LRRCC1: variants seen among roughly 807,000 people sequenced by gnomAD.
The protein encoded by LRRCC1 is leucine rich repeat and coiled-coil centrosomal protein 1.
In LRRCC1, 115 loss-of-function variants were observed where a neutral mutation model predicts 126.0. The ratio of observed to expected loss-of-function variants is 0.91; its 90% CI spans 0.78 to 1.07. LRRCC1 has a LOEUF of 1.07. Among genes scored for constraint, LRRCC1 ranks in the 50% least tolerant of loss-of-function variants. The pLI is 0.00. For missense variants in LRRCC1, 1,172 were observed against 1,175.7 expected, an observed-to-expected ratio of 1.00 and a Z score of 0.05; for synonymous variants, 400 against 393.4, an observed-to-expected ratio of 1.02 and a Z score of -0.20.
At chr8:85,136,715 A>G (rs1329800639) in intron 14 of LRRCC1, among the ~76,000 whole-genome samples, 2 of 152,226 alleles carry the variant, frequency 1.3e-5, no homozygotes, top group African/African-American at 4.8e-5. Flanking sequence ...GTAAATCCTC[A>G]GTTTCATTCC....
At chr8:85,127,986 A>G (rs1810142554) in intron 9 of LRRCC1, among the ~76,000 whole-genome samples, 1 of 152,238 alleles carries the variant, frequency 6.6e-6, no homozygotes, top group South Asian at 2.1e-4. Flanking sequence ...AACATTATGT[A>G]GTGACAGATT....
At chr8:85,121,568 A>C (rs1244009888) in intron 6 of LRRCC1, among the ~76,000 whole-genome samples, 1 of 152,078 alleles carries the variant, frequency 6.6e-6, no homozygotes, top group Admixed American at 6.6e-5. Flanking sequence ...CAGCATCCTG[A>C]GTAGCAGGGA....
intron 6 of LRRCC1, among the ~76,000 whole-genome samples, chr8:85,123,050 T>C (rs888131573): frequency 2.6e-5 from 4 of 152,218 alleles, no homozygotes; most frequent in African/African-American, 9.6e-5. Flanking sequence ...TGATGCTGAT[T>C]GTGATACATT....
At chr8:85,119,811 A>G (rs749945802) in intron 6 of LRRCC1, among the ~76,000 whole-genome samples, 1 of 152,098 alleles carries the variant, frequency 6.6e-6, no homozygotes, top group Non-Finnish European at 1.5e-5. Context: ...ACGTCTTAAT[A>G]TAAGTACTTA....
intron 10 of LRRCC1, among the ~76,000 whole-genome samples, 199 bp downstream of exon 10, chr8:85,129,578 A>G (rs1342067309): frequency 6.6e-6 from 1 of 152,250 alleles, no homozygotes; most frequent in Non-Finnish European, 1.5e-5. Flanking sequence ...CAAAGCAATT[A>G]AAAAGAAAAG....
In LRRCC1 at chr8:85,107,320, G is replaced by C; in HGVS notation, c.25G>C (p.Ala9Pro). 1 of 1,612,912 alleles carries C rather than the reference G, an allele frequency of 6.2e-7. No individual in the cohort carries two copies. The highest frequency in any genetic ancestry group is 8.5e-7 in the Non-Finnish European group (1 of 1,179,620). MEAAAAVVAAEAEVENEDG... is the reference protein window; with the variant it reads MEAAAAVVPAEAEVENEDG... ...TATGGAGGCGGCGGCGGCGGTGGTG[G>C]CGGCAGAGGCGGAAGTGGAAAACGA... Residue 9 changes from alanine to proline, a missense_variant, in exon 1 of 19, where the codon GCG becomes CCG. Coordinates refer to ENST00000360375, the MANE Select transcript of LRRCC1 (RefSeq NM_033402.5).
At position 85,123,586 on chromosome 8, in the gene LRRCC1, A is replaced by G; in HGVS notation, c.1104A>G (p.Lys368=). 1.3e-6 allele frequency: 2 copies of G among 1,578,824 alleles called. No individual in the cohort carries two copies. Among genetic ancestry groups the G allele is most frequent in the Non-Finnish European group, 1.7e-6 (2 of 1,169,922 alleles). Residue 368 remains lysine, a synonymous_variant, in exon 7 of 19, where the codon AAA becomes AAG. Transcript: ENST00000360375. ...KTIQTIKHHN[K]NYNSFVSCNR... is the part of the protein sequence containing the mutation. ...TTCAAACTATTAAGCACCACAATAA[A>G]AACTACAACTCTTTTGTAAGGTACT...
intron 6 of LRRCC1, among the ~76,000 whole-genome samples, chr8:85,120,918 AT>A (rs1190085334): frequency 1.3e-5 from 2 of 152,156 alleles, no homozygotes; most frequent in Non-Finnish European, 2.9e-5. Flanking sequence ...ATATTTATGT[AT>A]AAGTTTTTGT....
intron 6 of LRRCC1, among the ~76,000 whole-genome samples, chr8:85,119,306 T>C (rs1240683729): frequency 2.0e-5 from 3 of 152,130 alleles, no homozygotes; most frequent in African/African-American, 4.8e-5. Context: ...ATTACTGATA[T>C]TGGCAATCTG....
intron 8 of LRRCC1, among the ~76,000 whole-genome samples, chr8:85,125,935 T>A (rs1461525577): frequency 6.6e-6 from 1 of 152,146 alleles, no homozygotes; most frequent in East Asian, 1.9e-4. Context: ...ACACACTTCA[T>A]CTTTCTTCTT....
At chr8:85,124,708 A>G (rs1038114688) in intron 7 of LRRCC1, 84 bp from the exon 8 acceptor site, 7 of 796,880 alleles carry the variant, frequency 8.8e-6, no homozygotes, top group African/African-American at 5.4e-5. Context: ...AGCTGTTTGC[A>G]TATACAACTA....
At chr8:85,111,066 G>A (rs1007751697) in intron 3 of LRRCC1, among the ~76,000 whole-genome samples, 3 of 152,130 alleles carry the variant, frequency 2.0e-5, no homozygotes, top group African/African-American at 7.2e-5. Flanking sequence ...TCCTCTTAAA[G>A]ACATGAAGTA....
At position 85,124,843 on chromosome 8, in the gene LRRCC1, A is replaced by T; in HGVS notation, c.1176A>T (p.Ser392=). 6.3e-7 allele frequency: 1 copy of T among 1,598,088 alleles called. No homozygotes were observed. The highest frequency in any genetic ancestry group is 8.6e-7 in the Non-Finnish European group (1 of 1,168,980). ...PPYLKELYVS[S]SLANCPMLQE... ...ACCTTAAAGAATTATATGTAAGCTC[A>T]TCTTTAGCAAACTGTCCTATGTTAC... is the stretch of plus-strand genomic sequence containing the variant. The change falls in exon 8 of 19, where the codon TCA becomes TCT. Residue 392 remains serine, a synonymous_variant. Transcript: ENST00000360375.
At chr8:85,109,431 A>G (rs1302146733) in intron 1 of LRRCC1, 164 bp from the exon 2 acceptor site, 4 of 579,160 alleles carry the variant, frequency 6.9e-6, no homozygotes, top group Non-Finnish European at 1.2e-5. Flanking sequence ...GTGTTGTAAG[A>G]AGCACCGTGT....
chr8:85,126,030 C>T (rs1456625398), intron 8 of LRRCC1, among the ~76,000 whole-genome samples: 1 of 152,098 alleles, frequency 6.6e-6, no homozygotes, highest in East Asian at 1.9e-4. Context: ...AACCCCCGCC[C>T]CAAGTTTGTT....
At chr8:85,130,514 G>T (rs1052898613) in intron 11 of LRRCC1, among the ~76,000 whole-genome samples, 1 of 152,046 alleles carries the variant, frequency 6.6e-6, no homozygotes, top group Admixed American at 6.6e-5. Context: ...GGAAAATGCC[G>T]TGTTCATGTA....
chr8:85,129,409 A>G (rs1393903291), intron 10 of LRRCC1, 30 bp downstream of exon 10: 3 of 1,513,174 alleles, frequency 2.0e-6, no homozygotes, highest in Non-Finnish European at 2.7e-6. Context: ...TATGAGTAGC[A>G]CAGATTAACA....
chr8:85,135,705 A>AT (rs1285758202), intron 13 of LRRCC1, 84 bp from the exon 14 acceptor site: 13 of 912,418 alleles, frequency 1.4e-5, no homozygotes, highest in African/African-American at 5.2e-5. Flanking sequence ...CTTAAATAAC[A>AT]TTTTTTCTCA....
intron 12 of LRRCC1, among the ~76,000 whole-genome samples, chr8:85,132,375 CTTTTTTTTTTTTTT>C (rs551423793): frequency 1.3e-4 from 14 of 109,920 alleles, no homozygotes; most frequent in African/African-American, 4.0e-4. Flanking sequence ...TGAGTACTTT[CTTTTTTTTTTTTTT>C]TTTTTTTTTT....
Sources: allele counts gnomAD v4.1 joint callset (sites outside exome capture counted in the v4.1 genomes callset), GRCh38; gene constraint gnomAD v4.1.1; transcripts MANE v1.5; gene names NCBI Gene and HGNC (gene_info 2026-07-23, HGNC 2026-07-21).